SEM1: variants seen among roughly 807,000 people sequenced by gnomAD.
SEM1 encodes the protein 26S proteasome complex subunit SEM1.
Under a neutral mutation model 12.7 loss-of-function variants are expected in SEM1, and 3 were observed. The ratio of observed to expected loss-of-function variants is 0.24; its 90% CI spans 0.11 to 0.61. SEM1 has a LOEUF of 0.61. Among genes scored for constraint, SEM1 ranks in the 20% least tolerant of loss-of-function variants. SEM1 has a pLI of 0.88. For missense variants in SEM1, 59 were observed against 81.3 expected, an observed-to-expected ratio of 0.73 and a Z score of 1.06; for synonymous variants, 30 against 27.8, an observed-to-expected ratio of 1.08 and a Z score of -0.25.
chr7:96,595,542 G>C (rs1159069315), intron 2 of SEM1, among the ~76,000 whole-genome samples: 2 of 152,118 alleles, frequency 1.3e-5, no homozygotes, highest in African/African-American at 4.8e-5. Flanking sequence ...ATTGTCATAT[G>C]AAAAGGCAAT....
In SEM1 at chr7:96,585,280, C is replaced by T. The variant is rs541164522; in HGVS notation, c.171-78582G>A. Among the ~76,000 whole-genome samples the T allele has an allele frequency of 9.9e-4, 151 of 152,306 alleles. 4 individuals are homozygous for T. In the East Asian group the frequency reaches 0.026, roughly 26 times the overall value. On this transcript the variant is annotated intron_variant and NMD_transcript_variant, in intron 2 of 3. Transcript: ENST00000466986. ...GGGGGTGCCTCCCAGTTAGGCTGCT[C>T]AGGGGTCAGGGGTCAGGGACCCATT...
intron 2 of SEM1, among the ~76,000 whole-genome samples, chr7:96,651,950 G>C (rs1809003431): frequency 6.6e-6 from 1 of 152,142 alleles, no homozygotes; most frequent in Admixed American, 6.5e-5. Flanking sequence ...TTATTCAGAG[G>C]CTTTAGAGCA....
chr7:96,541,674 C>T (rs546536764), intron 2 of SEM1, among the ~76,000 whole-genome samples: 5 of 151,564 alleles, frequency 3.3e-5, no homozygotes, highest in African/African-American at 1.2e-4. Flanking sequence ...TCCCAAGGCC[C>T]ATGTCCGGAA....
intron 2 of SEM1, chr7:96,649,365 G>A (rs557214738): frequency 6.6e-6 from 1 of 152,178 alleles, no homozygotes; most frequent in South Asian, 2.1e-4. Context: ...AAAATATTCT[G>A]TGGTGAAAAA....
At chr7:96,694,061 A>C (rs1422775321) in intron 2 of SEM1, among the ~76,000 whole-genome samples, 1 of 151,992 alleles carries the variant, frequency 6.6e-6, no homozygotes, top group Admixed American at 6.6e-5. Flanking sequence ...GAACCTTGAA[A>C]ACATTATGCT....
intron 2 of SEM1, among the ~76,000 whole-genome samples, chr7:96,634,824 T>C (rs962693070): frequency 1.3e-5 from 2 of 151,776 alleles, no homozygotes; most frequent in Non-Finnish European, 2.9e-5. Flanking sequence ...ATATGTGAGG[T>C]TGACAGGAGT....
intron 1 of SEM1, among the ~76,000 whole-genome samples, chr7:96,709,418 C>T (rs1400408279): frequency 6.6e-6 from 1 of 152,310 alleles, no homozygotes; most frequent in African/African-American, 2.4e-5. Flanking sequence ...GACCAACCAT[C>T]ACAGACGCGG....
At chr7:96,670,858 G>T (rs1249515686), downstream of SEM1, among the ~76,000 whole-genome samples, 2 of 152,148 alleles carry the variant, frequency 1.3e-5, no homozygotes, top group African/African-American at 2.4e-5. Flanking sequence ...CTAGCAATCT[G>T]CTTTGTGTTA....
chr7:96,664,862 T>C (rs1019623122), intron 2 of SEM1, among the ~76,000 whole-genome samples: 2 of 152,158 alleles, frequency 1.3e-5, no homozygotes, highest in Non-Finnish European at 2.9e-5. Context: ...AACCATACAA[T>C]AGTGAAATAA....
chr7:96,519,390 T>A (rs1263921942), intron 2 of SEM1, among the ~76,000 whole-genome samples: 4 of 152,070 alleles, frequency 2.6e-5, no homozygotes, highest in African/African-American at 9.7e-5. Context: ...GTCAGACCAA[T>A]CAACAGCAGA....
At chr7:96,510,043 G>A (rs997055310) in intron 2 of SEM1, among the ~76,000 whole-genome samples, 1 of 152,136 alleles carries the variant, frequency 6.6e-6, no homozygotes, top group Non-Finnish European at 1.5e-5. Context: ...AATGGTTAAA[G>A]TGATACATTT....
At chr7:96,502,167 G>A (rs1345476775) in intron 3 of SEM1, among the ~76,000 whole-genome samples, 1 of 152,028 alleles carries the variant, frequency 6.6e-6, no homozygotes, top group Admixed American at 6.6e-5. Flanking sequence ...GCTCTCTGAG[G>A]CAAGTACTAT....
At chr7:96,509,595 A>G (rs1803868124) in intron 2 of SEM1, among the ~76,000 whole-genome samples, 1 of 152,160 alleles carries the variant, frequency 6.6e-6, no homozygotes, top group Non-Finnish European at 1.5e-5. Context: ...TTGGACATCC[A>G]TGTTCATAGC....
At chr7:96,646,151 C>T (rs1278679083) in intron 2 of SEM1, among the ~76,000 whole-genome samples, 2 of 152,156 alleles carry the variant, frequency 1.3e-5, no homozygotes, top group Non-Finnish European at 2.9e-5. Context: ...CAAATCCAGC[C>T]TGCAGCCTTT....
At chr7:96,547,077 C>T (rs1163470900) in intron 2 of SEM1, among the ~76,000 whole-genome samples, 4 of 152,054 alleles carry the variant, frequency 2.6e-5, no homozygotes, top group African/African-American at 4.8e-5. Context: ...TTTCTGAACA[C>T]CTGTTTGTTA....
intron 2 of SEM1, among the ~76,000 whole-genome samples, chr7:96,680,791 C>G (rs1162850917): frequency 6.6e-6 from 1 of 152,176 alleles, no homozygotes; most frequent in Non-Finnish European, 1.5e-5. Flanking sequence ...TTTTTGACAA[C>G]CCATCAACCC....
chr7:96,643,513 TACTGCGGC>T (rs1808683083), intron 2 of SEM1, among the ~76,000 whole-genome samples: 1 of 152,052 alleles, frequency 6.6e-6, no homozygotes, highest in African/African-American at 2.4e-5. Flanking sequence ...CACGTATGTT[TACTGCGGC>T]ACTATTCACA....
At chr7:96,540,124 A>C (rs936285544) in intron 2 of SEM1, among the ~76,000 whole-genome samples, 3 of 151,594 alleles carry the variant, frequency 2.0e-5, no homozygotes, top group Admixed American at 1.3e-4. Context: ...AAACAGTAGC[A>C]CTAGCACAGA....
intron 2 of SEM1, among the ~76,000 whole-genome samples, chr7:96,660,368 T>C (rs1788955069): frequency 6.6e-6 from 1 of 152,152 alleles, no homozygotes; most frequent in Non-Finnish European, 1.5e-5. Flanking sequence ...TTTCAACACA[T>C]TTCTCTCAAT....
Sources: gnomAD v4.1 joint callset for allele counts (sites outside exome capture counted in the v4.1 genomes callset) on GRCh38, gnomAD v4.1.1 for gene constraint, MANE v1.5 for transcripts, NCBI Gene and HGNC (gene_info 2026-07-23, HGNC 2026-07-21) for gene names.